Variants in FGF14 observed in about 807,000 individuals in gnomAD.
FGF14 encodes the protein fibroblast growth factor homologous factor 4.
FGF14 carries 5 observed loss-of-function variants against 25.5 expected under a neutral mutation model. The observed-to-expected ratio is 0.20, with a 90% CI of 0.10 to 0.41. The LOEUF is 0.41. Among genes scored for constraint, FGF14 ranks in the 10% least tolerant of loss-of-function variants. The pLI is 1.00. For synonymous variants in FGF14, 138 were observed against 118.3 expected (o/e 1.17, Z -1.08); for missense variants, 222 against 320.1 (o/e 0.69, Z 2.34).
rs373623020 is a variant in FGF14, at chr13:102,126,584, G to A, written c.209-251288C>T. Among the ~76,000 whole-genome samples the A allele has an allele frequency of 1.2e-4, 18 of 152,216 alleles. No individual in the cohort carries two copies. The East Asian group carries it at 1.3e-3, about 11-fold the overall frequency. On this transcript the variant is annotated intron_variant, in intron 1 of 4. Transcript: ENST00000376131. Reference sequence around the variant, plus strand: ...TTCAGTTCCTTTGGGTATATACCTCGGAGTGGAATTATTGGTCAGTATGGT... The same window carrying A: ...TTCAGTTCCTTTGGGTATATACCTCAGAGTGGAATTATTGGTCAGTATGGT...
At chr13:101,835,371 G>A (rs747756848) in intron 3 of FGF14, among the ~76,000 whole-genome samples, 5 of 151,854 alleles carry the variant, frequency 3.3e-5, no homozygotes, top group Admixed American at 6.6e-5. Flanking sequence ...GCTAATTTTT[G>A]CCTACCTCAA....
chr13:101,839,829 T>C (rs1393443330), intron 3 of FGF14, among the ~76,000 whole-genome samples: 2 of 152,018 alleles, frequency 1.3e-5, no homozygotes, highest in Admixed American at 1.3e-4. Context: ...GTATGCTCTA[T>C]GCTTTGAAAA....
chr13:101,965,245 TAA>T (rs555577660), intron 1 of FGF14, among the ~76,000 whole-genome samples: 5 of 120,748 alleles, frequency 4.1e-5, no homozygotes, highest in Admixed American at 1.8e-4. Flanking sequence ...CAAGACTGTC[TAA>T]AAAAAAAAAA....
intron 1 of FGF14, among the ~76,000 whole-genome samples, chr13:102,342,648 T>C (rs1257095590): frequency 6.6e-6 from 1 of 152,140 alleles, no homozygotes; most frequent in Non-Finnish European, 1.5e-5. Context: ...AGATCAGTGA[T>C]AGCTCAAGGA....
chr13:102,096,325 G>A (rs968781437), intron 1 of FGF14, among the ~76,000 whole-genome samples: 1 of 152,010 alleles, frequency 6.6e-6, no homozygotes, highest in Non-Finnish European at 1.5e-5. Context: ...CATTAGAATT[G>A]AGGACTAGTC....
chr13:101,787,301 AT>A (rs2140064764), intron 3 of FGF14, among the ~76,000 whole-genome samples: 1 of 152,320 alleles, frequency 6.6e-6, no homozygotes, highest in South Asian at 2.1e-4. Context: ...GTAAAGTACC[AT>A]CTAGCATATT....
chr13:102,359,761 T>C (rs1241880113), intron 1 of FGF14, among the ~76,000 whole-genome samples: 2 of 152,104 alleles, frequency 1.3e-5, no homozygotes, highest in Non-Finnish European at 2.9e-5. Flanking sequence ...TCACTTCCTT[T>C]ATATGTTAAC....
intron 3 of FGF14, among the ~76,000 whole-genome samples, chr13:101,811,040 CG>C (rs1348193089): frequency 6.6e-5 from 8 of 121,152 alleles, no homozygotes; most frequent in Admixed American, 5.0e-4. Flanking sequence ...CCGCCCCCCC[CG>C]GCCCCCGCAT....
intron 1 of FGF14, among the ~76,000 whole-genome samples, chr13:101,997,845 T>C: frequency 6.6e-6 from 1 of 151,440 alleles, no homozygotes; most frequent in East Asian, 1.9e-4. Flanking sequence ...TTTTTGAAGT[T>C]TTCTTTCTTA....
chr13:102,161,663 A>AGACGAAGACGAAGACGAAGACGAAGAC (rs2047744963), intron 1 of FGF14, among the ~76,000 whole-genome samples: 1 of 28,130 alleles, frequency 3.6e-5, no homozygotes, highest in Non-Finnish European at 7.2e-5. Context: ...AAGAAGAAGA[A>AGACGAAGACGAAGACGAAGACGAAGAC]GAAGAAGAAG....
At chr13:102,054,313 T>C (rs73574791) in intron 1 of FGF14, among the ~76,000 whole-genome samples, 8 of 151,336 alleles carry the variant, frequency 5.3e-5, no homozygotes, top group African/African-American at 1.7e-4. Flanking sequence ...TTTAGAGGAG[T>C]TCCCTCCTAG....
chr13:102,161,574 A>AAGAGG, intron 1 of FGF14, among the ~76,000 whole-genome samples: 31 of 5,312 alleles, frequency 5.8e-3, no homozygotes, highest in South Asian at 8.5e-3. Context: ...GTGAAGAAAG[A>AAGAGG]AAGAAGAAGA....
At chr13:101,866,637 A>G (rs1201021031) in intron 3 of FGF14, among the ~76,000 whole-genome samples, 1 of 152,180 alleles carries the variant, frequency 6.6e-6, no homozygotes, top group East Asian at 1.9e-4. Flanking sequence ...TGTGCTCTAT[A>G]TTACTATTTT....
chr13:102,052,756 G>T (rs1347322020), intron 1 of FGF14, among the ~76,000 whole-genome samples: 2 of 152,054 alleles, frequency 1.3e-5, no homozygotes, highest in African/African-American at 4.8e-5. Context: ...ATAATCACCA[G>T]ACCTGTTTTA....
In FGF14 at chr13:102,039,300, G is replaced by A. The variant is rs146077239; in HGVS notation, c.209-164004C>T. On this transcript the variant is annotated intron_variant, in intron 1 of 4. Coordinates refer to the FGF14 transcript ENST00000376131. ...CAGATGGAAAATAATTGAGTTTGTG[G>A]AGTGGTATGTCATCCCAAGAGGAGA... 2.6e-5 allele frequency among the ~76,000 whole-genome samples: 4 copies of A among 152,214 alleles called. No individual in the cohort carries two copies. In the East Asian group the frequency reaches 7.7e-4, roughly 29 times the overall value.
At chr13:102,254,781 C>T (rs2052358462) in intron 1 of FGF14, among the ~76,000 whole-genome samples, 1 of 152,290 alleles carries the variant, frequency 6.6e-6, no homozygotes, top group African/African-American at 2.4e-5. Flanking sequence ...TAGACATTGC[C>T]AAATGTCCCC....
chr13:102,252,534 T>G (rs968100034), intron 1 of FGF14, among the ~76,000 whole-genome samples: 4 of 152,164 alleles, frequency 2.6e-5, no homozygotes, highest in African/African-American at 9.7e-5. Context: ...CATATAACCT[T>G]GGCACATCTT....
chr13:101,812,231 G>A lies in FGF14; in HGVS notation c.408+56494C>T, dbSNP rs150062424. 3.1e-3 allele frequency among the ~76,000 whole-genome samples: 475 copies of A among 152,054 alleles called. 5 individuals carry two copies. In the Middle Eastern group the frequency reaches 0.054, roughly 17 times the overall value. ...TACAGGATTGGAAATTTTGTTACTC[G>A]AATCATCAGTTAATTGATAAATTTT... On this transcript the variant is annotated intron_variant, in intron 3 of 4. Coordinates refer to ENST00000376143, the MANE Select transcript of FGF14 (RefSeq NM_004115.4).
rs141749357 is a variant in FGF14 at position 101,957,627 on chromosome 13, C to T, written c.209-82331G>A. Among the ~76,000 whole-genome samples, 139 of 152,308 alleles carry T rather than the reference C, an allele frequency of 9.1e-4. 3 individuals are homozygous for T. Among genetic ancestry groups the T allele is most frequent in the African/African-American group, 3.2e-3 (135 of 41,568 alleles). On this transcript the variant is annotated intron_variant, in intron 1 of 4. Transcript: ENST00000376131. ...ACTCATATGCATATTAGTATTTGAG[C>T]AGATCTAACTCAGAGTCATCCATTT...
Sources: gnomAD v4.1 joint callset for allele counts (sites outside exome capture counted in the v4.1 genomes callset) on GRCh38, gnomAD v4.1.1 for gene constraint, MANE v1.5 for transcripts, NCBI Gene and HGNC (gene_info 2026-07-23, HGNC 2026-07-21) for gene names.